ITFG1: variants seen among roughly 807,000 people sequenced by gnomAD.
The protein encoded by ITFG1 is T-cell immunomodulatory protein.
ITFG1 carries 34 observed loss-of-function variants against 81.8 expected under a neutral mutation model. The observed-to-expected ratio is 0.42, with a 90% CI of 0.32 to 0.55. The LOEUF (loss-of-function observed/expected upper bound fraction) is 0.55. Ranked by LOEUF, ITFG1 falls within the 20% of genes least tolerant of loss-of-function variation. The probability of loss-of-function intolerance (pLI) is 0.17; values close to 1 mark genes in which losing one functional copy is unlikely to be tolerated. For synonymous variants in ITFG1, 285 were observed against 270.6 expected, an observed-to-expected ratio of 1.05 and a Z score of -0.52; for missense variants, 672 against 755.4, an observed-to-expected ratio of 0.89 and a Z score of 1.29.
In ITFG1 at chr16:47,461,034, C is replaced by G. The variant is rs904184724; in HGVS notation, c.12G>C (p.Ala4=). 21 of 1,540,914 alleles carry G rather than the reference C, an allele frequency of 1.4e-5. No homozygotes were observed. Among genetic ancestry groups the G allele is most frequent in the Non-Finnish European group, 1.7e-5 (20 of 1,145,568 alleles). Residue 4 remains alanine (A), a synonymous_variant, in exon 1 of 18, where the codon GCG becomes GCC. Coordinates refer to ENST00000320640, the MANE Select transcript of ITFG1 (RefSeq NM_030790.5). MAA[A]GRLPSSWALF... ...GGGCCCAGGAGCTCGGGAGCCGGCC[C>G]GCCGCCGCCATGGCAGCCCCTCAGC...
chr16:47,161,479 C>A, intron 16 of ITFG1: 1 of 232,876 alleles, frequency 4.3e-6, no homozygotes, highest in Admixed American at 5.1e-5. Flanking sequence ...AACTAGTAAA[C>A]TGAAGAGCAG....
At position 47,238,282 on chromosome 16, in the gene ITFG1, C is replaced by G. The variant is rs1326510153; in HGVS notation, c.1331-274G>C. 1.3e-5 allele frequency: 3 copies of G among 228,582 alleles called. No homozygotes were observed. In the East Asian group the frequency reaches 2.7e-4, roughly 20 times the overall value. 14.2% of individuals were successfully genotyped at this position (228,582 alleles called of 1,614,324 possible). ...ATATCATACCATACCTAAAATAGAA[C>G]CTGTTGGTTCTATTTTCCAATTAGT... On this transcript the variant is annotated intron_variant, in intron 12 of 17. Coordinates refer to ENST00000320640, the MANE Select transcript of ITFG1 (RefSeq NM_030790.5).
intron 6 of ITFG1, among the ~76,000 whole-genome samples, chr16:47,385,195 A>C (rs1313905622): frequency 6.6e-6 from 1 of 152,254 alleles, no homozygotes; most frequent in Admixed American, 6.5e-5. Context: ...TGTTTGAAAT[A>C]AGTTAAAATC....
At chr16:47,180,389 G>A (rs1228077784) in intron 14 of ITFG1, among the ~76,000 whole-genome samples, 1 of 145,690 alleles carries the variant, frequency 6.9e-6, no homozygotes, top group Non-Finnish European at 1.5e-5. Flanking sequence ...CTCTCCCCAC[G>A]GTCTCCCTCT....
In ITFG1 at chr16:47,195,195, T is replaced by C. The variant is rs1965343070; in HGVS notation, c.1453+23673A>G. ...TAACCTCATCTCTTCTTTAGTTCTT[T>C]GTAAATGTGTGGTTGTGTTTGTATG... On this transcript the variant is annotated intron_variant, in intron 14 of 17. Transcript: ENST00000320640. Among the ~76,000 whole-genome samples, 5 of 152,232 alleles carry C rather than the reference T, an allele frequency of 3.3e-5. No homozygotes were observed. In the South Asian group the frequency reaches 1.0e-3, roughly 31 times the overall value.
At chr16:47,440,412 C>T (rs1969230886) in intron 5 of ITFG1, among the ~76,000 whole-genome samples, 1 of 152,180 alleles carries the variant, frequency 6.6e-6, no homozygotes, top group Non-Finnish European at 1.5e-5. Flanking sequence ...CACACATATT[C>T]CAAAATTGAC....
chr16:47,240,485 C>G (rs953977183), intron 12 of ITFG1, among the ~76,000 whole-genome samples: 3 of 152,024 alleles, frequency 2.0e-5, no homozygotes, highest in African/African-American at 7.2e-5. Flanking sequence ...GGAAAAGGAT[C>G]TGAATAGGTA....
intron 12 of ITFG1, among the ~76,000 whole-genome samples, chr16:47,247,512 A>C (rs1487539340): frequency 6.6e-6 from 1 of 152,210 alleles, no homozygotes; most frequent in African/African-American, 2.4e-5. Context: ...CAAAGCTGTA[A>C]GTGCCACTCC....
At chr16:47,245,823 G>C (rs1423061871) in intron 12 of ITFG1, among the ~76,000 whole-genome samples, 1 of 150,878 alleles carries the variant, frequency 6.6e-6, no homozygotes, top group African/African-American at 2.4e-5. Flanking sequence ...ATTGTCCCCT[G>C]CCTCCTCCTT....
At chr16:47,335,224 G>C (rs1372997006) in intron 8 of ITFG1, among the ~76,000 whole-genome samples, 2 of 152,102 alleles carry the variant, frequency 1.3e-5, no homozygotes, top group Non-Finnish European at 2.9e-5. Flanking sequence ...AGGCGTGGTG[G>C]TGGGCACCTG....
intron 12 of ITFG1, among the ~76,000 whole-genome samples, chr16:47,246,464 T>C (rs770926632): frequency 1.3e-5 from 2 of 152,248 alleles, no homozygotes; most frequent in Non-Finnish European, 2.9e-5. Flanking sequence ...GAAACAATAC[T>C]AACCCTTGAT....
intron 14 of ITFG1, among the ~76,000 whole-genome samples, chr16:47,169,319 C>G (rs752241349): frequency 2.0e-5 from 3 of 152,118 alleles, no homozygotes; most frequent in Non-Finnish European, 4.4e-5. Context: ...GTTTTCCAAT[C>G]CATGAATATG....
intron 6 of ITFG1, among the ~76,000 whole-genome samples, chr16:47,403,714 C>A (rs1440105951): frequency 2.6e-5 from 4 of 151,434 alleles, no homozygotes; most frequent in Non-Finnish European, 5.9e-5. Flanking sequence ...ATTTAATACT[C>A]ACTTTTAGAC....
chr16:47,196,997 C>G (rs1965366160), intron 14 of ITFG1, among the ~76,000 whole-genome samples: 1 of 152,154 alleles, frequency 6.6e-6, no homozygotes, highest in African/African-American at 2.4e-5. Flanking sequence ...AAAACACTCT[C>G]TGGCAAAAAG....
chr16:47,443,665 G>A (rs902816188), intron 5 of ITFG1, among the ~76,000 whole-genome samples: 9 of 151,956 alleles, frequency 5.9e-5, no homozygotes, highest in African/African-American at 1.9e-4. Flanking sequence ...ACCAAACACC[G>A]CACGTTCTCA....
At chr16:47,323,428 G>T (rs971740859) in intron 8 of ITFG1, among the ~76,000 whole-genome samples, 3 of 152,030 alleles carry the variant, frequency 2.0e-5, no homozygotes, top group Non-Finnish European at 4.4e-5. Context: ...TGCTGCCTTG[G>T]GATTCTGCAG....
At chr16:47,279,164 C>T (rs1966427938) in intron 10 of ITFG1, among the ~76,000 whole-genome samples, 1 of 152,128 alleles carries the variant, frequency 6.6e-6, no homozygotes, top group Admixed American at 6.6e-5. Flanking sequence ...CAGCCTTTCT[C>T]TTTCGTTGAC....
intron 10 of ITFG1, among the ~76,000 whole-genome samples, chr16:47,267,550 A>C (rs1011893137): frequency 4.6e-5 from 7 of 152,172 alleles, no homozygotes; most frequent in African/African-American, 1.7e-4. Context: ...AAACAATAAT[A>C]ACCAATTTCA....
At chr16:47,334,955 T>A (rs537980056) in intron 8 of ITFG1, among the ~76,000 whole-genome samples, 2 of 152,322 alleles carry the variant, frequency 1.3e-5, no homozygotes, top group East Asian at 3.9e-4. Context: ...TTTCTGTCCT[T>A]AGGTTATTAA....
Sources: allele counts gnomAD v4.1 joint callset (sites outside exome capture counted in the v4.1 genomes callset), GRCh38; gene constraint gnomAD v4.1.1; transcripts MANE v1.5; gene names NCBI Gene and HGNC (gene_info 2026-07-23, HGNC 2026-07-21).